The following ANOS1 variants were observed in gnomAD, a reference collection of about 807,000 sequenced individuals.
ANOS1 encodes anosmin-1.
ANOS1 carries 6 observed loss-of-function variants against 59.0 expected under a neutral mutation model. That is an observed-to-expected ratio of 0.10 (90% CI 0.06 to 0.20). The LOEUF (loss-of-function observed/expected upper bound fraction) is 0.20. Among genes scored for constraint, ANOS1 ranks in the 10% least tolerant of loss-of-function variants. The pLI is 1.00. For synonymous variants in ANOS1, 217 were observed against 223.4 expected, an observed-to-expected ratio of 0.97 and a Z score of 0.25; for missense variants, 433 against 542.3, an observed-to-expected ratio of 0.80 and a Z score of 2.00.
intron 1 of ANOS1, among the ~76,000 whole-genome samples, chrX:8,714,200 G>C (rs567194319): frequency 1.8e-5 from 2 of 111,671 alleles, no homozygotes; most frequent in African/African-American, 6.5e-5. Flanking sequence ...ATTTCTTGCT[G>C]GGGATGACTG....
At chrX:8,615,079 C>T (rs947537550) in intron 3 of ANOS1, among the ~76,000 whole-genome samples, 2 of 110,392 alleles carry the variant, frequency 1.8e-5, no homozygotes, top group African/African-American at 6.6e-5. Flanking sequence ...CTACTACGTC[C>T]CCTAAGTCGA....
At chrX:8,612,654 A>G (rs755599551) in intron 3 of ANOS1, among the ~76,000 whole-genome samples, 3 of 109,851 alleles carry the variant, frequency 2.7e-5, no homozygotes, top group Admixed American at 9.7e-5. Context: ...CAGTATTGCA[A>G]AAAGGGTTCA....
chrX:8,590,624 T>A (rs1056449155), intron 4 of ANOS1, among the ~76,000 whole-genome samples: 1 of 111,969 alleles, frequency 8.9e-6, no homozygotes, highest in Non-Finnish European at 1.9e-5. Context: ...AAAAACCATG[T>A]CTCCTTCATT....
At chrX:8,620,966 C>T (rs181439197) in intron 3 of ANOS1, among the ~76,000 whole-genome samples, 1 of 111,873 alleles carries the variant, frequency 8.9e-6, no homozygotes, top group East Asian at 2.8e-4. Flanking sequence ...TTCAAATGAC[C>T]TTCAATTATA....
intron 3 of ANOS1, among the ~76,000 whole-genome samples, chrX:8,609,901 G>GGA (rs1277920828): frequency 1.9e-5 from 2 of 106,013 alleles, no homozygotes; most frequent in Non-Finnish European, 3.9e-5. Context: ...CAGCTACTCG[G>GGA]GAGGCTGAGA....
At chrX:8,612,817 GACA>G (rs1204771405) in intron 3 of ANOS1, among the ~76,000 whole-genome samples, 2 of 111,484 alleles carry the variant, frequency 1.8e-5, no homozygotes, top group African/African-American at 3.2e-5. Flanking sequence ...AGAAGAAATA[GACA>G]ACGTGAATAG....
At chrX:8,646,240 C>T (rs894565799) in intron 2 of ANOS1, among the ~76,000 whole-genome samples, 4 of 111,171 alleles carry the variant, frequency 3.6e-5, no homozygotes, top group African/African-American at 1.3e-4. Context: ...TTCAGTGGCG[C>T]GACCTCAGCT....
At chrX:8,545,072 A>G (rs1270721968) in intron 9 of ANOS1, among the ~76,000 whole-genome samples, 5 of 104,070 alleles carry the variant, frequency 4.8e-5, no homozygotes, top group Non-Finnish European at 9.8e-5. Context: ...AAAAAAAAAA[A>G]AAAAAAAAAA....
intron 3 of ANOS1, among the ~76,000 whole-genome samples, chrX:8,604,496 A>T (rs767067097): frequency 8.9e-6 from 1 of 112,366 alleles, no homozygotes; most frequent in Non-Finnish European, 1.9e-5. Flanking sequence ...CTGGGAAGAG[A>T]TAGTGGGGTG....
chrX:8,614,940 AG>A, intron 3 of ANOS1, among the ~76,000 whole-genome samples: 1 of 111,129 alleles, frequency 9.0e-6, no homozygotes, highest in East Asian at 2.8e-4. Context: ...AAGGAAAAAA[AG>A]TTTATGTTCC....
At chrX:8,664,990 C>A (rs1483323942) in intron 2 of ANOS1, among the ~76,000 whole-genome samples, 2 of 111,743 alleles carry the variant, frequency 1.8e-5, no homozygotes, top group Non-Finnish European at 3.8e-5. Flanking sequence ...AGCAGGCACA[C>A]AAAATGATGA....
chrX:8,561,904 T>C (rs1488321356), intron 8 of ANOS1, among the ~76,000 whole-genome samples: 1 of 111,734 alleles, frequency 8.9e-6, no homozygotes, highest in Non-Finnish European at 1.9e-5. Flanking sequence ...TCCTACTTGC[T>C]TTATATCCTA....
At chrX:8,716,324 G>A (rs1336921260) in intron 1 of ANOS1, among the ~76,000 whole-genome samples, 1 of 111,881 alleles carries the variant, frequency 8.9e-6, no homozygotes, top group Non-Finnish European at 1.9e-5. Flanking sequence ...CAAGGAAAGT[G>A]AGGTTTTCGT....
In ANOS1 at chrX:8,530,776, T is replaced by C. The variant is rs1929485945; in HGVS notation, c.*2219A>G. The C allele has an allele frequency of 1.8e-5, 2 of 110,748 alleles. No homozygotes were observed. Among genetic ancestry groups the C allele is most frequent in the Admixed American group, 9.7e-5 (1 of 10,312 alleles). The allele number at this position is 110,748 out of a possible 1,213,427, so 9.1% of individuals were successfully genotyped here. On this transcript the variant is annotated 3_prime_UTR_variant, in exon 14 of 14. Transcript: ENST00000262648. ...TGCAGAGACTCCCAGCATTTTTAACTATGCAACAGTACAAAAATTTGCTGG... is the reference window on the plus strand; with the variant it reads ...TGCAGAGACTCCCAGCATTTTTAACCATGCAACAGTACAAAAATTTGCTGG...
chrX:8,547,961 C>T (rs1362764354), intron 9 of ANOS1, among the ~76,000 whole-genome samples: 2 of 111,904 alleles, frequency 1.8e-5, no homozygotes, highest in Non-Finnish European at 3.8e-5. Flanking sequence ...ATGATCCGCC[C>T]GCCTTGGCCT....
At chrX:8,703,964 C>T (rs894994899) in intron 1 of ANOS1, among the ~76,000 whole-genome samples, 1 of 111,336 alleles carries the variant, frequency 9.0e-6, no homozygotes, top group African/African-American at 3.3e-5. Context: ...ATTGTAGCTC[C>T]CACAATTCCC....
At chrX:8,559,237 A>C (rs1305759972) in intron 8 of ANOS1, among the ~76,000 whole-genome samples, 1 of 112,283 alleles carries the variant, frequency 8.9e-6, no homozygotes, top group Non-Finnish European at 1.9e-5. Flanking sequence ...CCATGGGAAT[A>C]TAACTGGTGC....
intron 9 of ANOS1, among the ~76,000 whole-genome samples, chrX:8,553,030 C>T (rs1189799348): frequency 2.7e-5 from 3 of 109,626 alleles, no homozygotes; most frequent in African/African-American, 9.9e-5. Context: ...CCCATCAATA[C>T]CTTGAGTAAA....
At chrX:8,636,322 T>C (rs765354445) in intron 2 of ANOS1, among the ~76,000 whole-genome samples, 3 of 111,878 alleles carry the variant, frequency 2.7e-5, no homozygotes, top group Non-Finnish European at 5.6e-5. Flanking sequence ...AAATGCGGCA[T>C]ACATCACAGG....
Sources: allele counts gnomAD v4.1 joint callset (sites outside exome capture counted in the v4.1 genomes callset), GRCh38; gene constraint gnomAD v4.1.1; transcripts MANE v1.5; gene names NCBI Gene and HGNC (gene_info 2026-07-23, HGNC 2026-07-21).